The following SHB variants were observed in gnomAD, a reference collection of about 807,000 sequenced individuals.
SHB encodes the protein SH2 domain-containing adapter protein B.
A neutral mutation model predicts 52.3 loss-of-function variants in SHB; 20 were observed. That is an observed-to-expected ratio of 0.38 (90% CI 0.27 to 0.56). SHB has a LOEUF of 0.56. Among genes scored for constraint, SHB ranks in the 20% least tolerant of loss-of-function variants. SHB has a pLI of 0.71. For missense variants in SHB, 825 were observed against 723.3 expected (o/e 1.14, Z -1.61); for synonymous variants, 397 against 316.5 (o/e 1.25, Z -2.70).
intron 1 of SHB, among the ~76,000 whole-genome samples, chr9:38,026,281 G>A (rs529592313): frequency 3.9e-5 from 6 of 152,356 alleles, no homozygotes; most frequent in East Asian, 3.9e-4. Context: ...TCTCGTGTGT[G>A]CTTCCTGTGC....
At chr9:37,988,544 T>G (rs1389007980) in intron 2 of SHB, among the ~76,000 whole-genome samples, 1 of 152,100 alleles carries the variant, frequency 6.6e-6, no homozygotes, top group African/African-American at 2.4e-5. Flanking sequence ...TTCCAGCAAA[T>G]GCCTCCAAAA....
intron 1 of SHB, among the ~76,000 whole-genome samples, chr9:38,056,958 T>A (rs1821829114): frequency 6.6e-6 from 1 of 152,238 alleles, no homozygotes; most frequent in African/African-American, 2.4e-5. Context: ...CTAACTTGCA[T>A]TAGAATTCCG....
intron 4 of SHB, among the ~76,000 whole-genome samples, chr9:37,954,161 T>C (rs111891639): frequency 6.6e-6 from 1 of 152,212 alleles, no homozygotes; most frequent in African/African-American, 2.4e-5. Flanking sequence ...ACGATCTGCA[T>C]GGCTGTGAGA....
At chr9:37,935,546 T>C (rs1268689779) in intron 5 of SHB, among the ~76,000 whole-genome samples, 1 of 151,940 alleles carries the variant, frequency 6.6e-6, no homozygotes, top group Non-Finnish European at 1.5e-5. Flanking sequence ...GTAAAGTGAG[T>C]TGCTGTGGGG....
intron 5 of SHB, among the ~76,000 whole-genome samples, chr9:37,929,240 T>G (rs1192474908): frequency 2.0e-5 from 3 of 152,178 alleles, no homozygotes; most frequent in Non-Finnish European, 4.4e-5. Flanking sequence ...GCTCGCCAGG[T>G]GCGGAGGTGC....
chr9:38,032,228 G>A (rs1418485273), intron 1 of SHB, among the ~76,000 whole-genome samples: 2 of 152,156 alleles, frequency 1.3e-5, no homozygotes, highest in Non-Finnish European at 2.9e-5. Context: ...GTACATCATC[G>A]TATTTCATCC....
chr9:38,001,636 G>A (rs1351192217), intron 2 of SHB, among the ~76,000 whole-genome samples: 1 of 152,228 alleles, frequency 6.6e-6, no homozygotes, highest in Non-Finnish European at 1.5e-5. Context: ...GTCCTGCCTC[G>A]CTGCATGGTG....
intron 2 of SHB, among the ~76,000 whole-genome samples, chr9:37,977,641 G>A (rs1434081471): frequency 6.6e-6 from 1 of 152,164 alleles, no homozygotes; most frequent in Non-Finnish European, 1.5e-5. Flanking sequence ...TGTTAAGTAC[G>A]GTGGACAACT....
intron 5 of SHB, among the ~76,000 whole-genome samples, chr9:37,922,364 T>G (rs991996628): frequency 1.3e-5 from 2 of 152,220 alleles, no homozygotes; most frequent in African/African-American, 4.8e-5. Flanking sequence ...AAGCAGAAGC[T>G]AAGCTCCTCT....
At chr9:38,019,679 G>A (rs549821257) in intron 1 of SHB, among the ~76,000 whole-genome samples, 1 of 152,262 alleles carries the variant, frequency 6.6e-6, no homozygotes, top group South Asian at 2.1e-4. Flanking sequence ...GGTAACTTTG[G>A]GCAGAATCCA....
intron 1 of SHB, among the ~76,000 whole-genome samples, chr9:38,053,959 A>G (rs1290270429): frequency 6.6e-6 from 1 of 152,208 alleles, no homozygotes. Flanking sequence ...GCAACACCTC[A>G]AAGACACACA....
At chr9:37,944,942 A>G (rs1237822401) in intron 5 of SHB, among the ~76,000 whole-genome samples, 1 of 152,172 alleles carries the variant, frequency 6.6e-6, no homozygotes, top group Non-Finnish European at 1.5e-5. Context: ...AACAAGACAC[A>G]GGCTGGCCTG....
At chr9:38,009,978 A>G (rs754478732) in intron 2 of SHB, among the ~76,000 whole-genome samples, 1 of 152,242 alleles carries the variant, frequency 6.6e-6, no homozygotes, top group Non-Finnish European at 1.5e-5. Flanking sequence ...TGACACTTTG[A>G]ACAGTTTTAT....
At chr9:37,938,542 C>T (rs972922182) in intron 5 of SHB, among the ~76,000 whole-genome samples, 1 of 152,256 alleles carries the variant, frequency 6.6e-6, no homozygotes, top group Non-Finnish European at 1.5e-5. Context: ...CAGAAGGCAA[C>T]TGTCCCGGGG....
At chr9:37,939,695 G>A (rs928824711) in intron 5 of SHB, among the ~76,000 whole-genome samples, 3 of 152,196 alleles carry the variant, frequency 2.0e-5, no homozygotes, top group Non-Finnish European at 4.4e-5. Flanking sequence ...GGGAGGAATG[G>A]GGGTGTTTCT....
In SHB at chr9:37,969,891, G is replaced by A. The variant is rs1444354724; in HGVS notation, c.1054+4731C>T. ...CGTGTGGGCCCAAGCTGCACCTGGCGGGGGTGGGTTGGGGACAGAGCAAGA... is the reference window on the plus strand; with the variant it reads ...CGTGTGGGCCCAAGCTGCACCTGGCAGGGGTGGGTTGGGGACAGAGCAAGA... On this transcript the variant is annotated intron_variant, in intron 3 of 5. Coordinates refer to ENST00000377707, the MANE Select transcript of SHB (RefSeq NM_003028.3). Among the ~76,000 whole-genome samples the A allele has an allele frequency of 2.0e-5, 3 of 152,344 alleles. 1 individual carries two copies. The highest frequency in any genetic ancestry group is 1.5e-5 in the Non-Finnish European group (1 of 68,040).
At chr9:37,927,174 C>T (rs1343091561) in intron 5 of SHB, among the ~76,000 whole-genome samples, 1 of 152,220 alleles carries the variant, frequency 6.6e-6, no homozygotes, top group Non-Finnish European at 1.5e-5. Flanking sequence ...CTCCAGCTGT[C>T]TGAGGCGTGG....
chr9:37,964,951 G>A (rs1832732483), intron 3 of SHB, among the ~76,000 whole-genome samples: 1 of 152,152 alleles, frequency 6.6e-6, no homozygotes, highest in African/African-American at 2.4e-5. Context: ...ACATACCTGG[G>A]ACCTACACAC....
chr9:37,993,066 G>A (rs773272167), intron 2 of SHB, among the ~76,000 whole-genome samples: 1 of 152,148 alleles, frequency 6.6e-6, no homozygotes. Context: ...GTGAGCGACA[G>A]GTGAAGAGAT....
Sources: gnomAD v4.1 joint callset for allele counts (sites outside exome capture counted in the v4.1 genomes callset) on GRCh38, gnomAD v4.1.1 for gene constraint, MANE v1.5 for transcripts, NCBI Gene and HGNC (gene_info 2026-07-23, HGNC 2026-07-21) for gene names.